The following COL26A1 variants were observed in gnomAD, a reference collection of about 807,000 sequenced individuals.
COL26A1 encodes the protein collagen alpha-1(XXVI) chain.
A neutral mutation model predicts 59.3 loss-of-function variants in COL26A1; 41 were observed. That is an observed-to-expected ratio of 0.69 (90% confidence interval 0.54 to 0.90). The LOEUF is 0.90. Among genes scored for constraint, COL26A1 ranks in the 40% least tolerant of loss-of-function variants. The probability of loss-of-function intolerance (pLI) is 0.00; values close to 1 mark genes in which losing one functional copy is unlikely to be tolerated. For synonymous variants in COL26A1, 266 were observed against 256.0 expected (o/e 1.04, Z -0.37); for missense variants, 612 against 602.3 (o/e 1.02, Z -0.17).
intron 2 of COL26A1, among the ~76,000 whole-genome samples, chr7:101,439,759 A>C (rs538496420): frequency 2.0e-5 from 3 of 152,102 alleles, no homozygotes; most frequent in Admixed American, 6.6e-5. Context: ...CAGGCATCAG[A>C]GGCCAATCTT....
chr7:101,377,918 A>G (rs1791356725), intron 1 of COL26A1, among the ~76,000 whole-genome samples: 1 of 152,128 alleles, frequency 6.6e-6, no homozygotes, highest in Admixed American at 6.5e-5. Flanking sequence ...ATTTTTTTAC[A>G]TTTTAGAGAC....
At chr7:101,547,527 G>A (rs1184703454) in intron 8 of COL26A1, among the ~76,000 whole-genome samples, 1 of 152,240 alleles carries the variant, frequency 6.6e-6, no homozygotes, top group Non-Finnish European at 1.5e-5. Flanking sequence ...ACACCAGTGG[G>A]GGATGGGGTC....
At chr7:101,454,040 C>T (rs921149683) in intron 3 of COL26A1, among the ~76,000 whole-genome samples, 5 of 152,114 alleles carry the variant, frequency 3.3e-5, no homozygotes, top group African/African-American at 1.2e-4. Context: ...TTGCACATTT[C>T]GTGTTTGTGA....
At chr7:101,411,713 C>A (rs1033469359) in intron 1 of COL26A1, among the ~76,000 whole-genome samples, 9 of 152,036 alleles carry the variant, frequency 5.9e-5, no homozygotes, top group South Asian at 2.1e-4. Flanking sequence ...TGTGTGACCA[C>A]TGTCTAGGCA....
intron 4 of COL26A1, among the ~76,000 whole-genome samples, chr7:101,538,364 T>C (rs1209313043): frequency 4.6e-5 from 7 of 152,202 alleles, no homozygotes; most frequent in Non-Finnish European, 2.9e-5. Flanking sequence ...GAGACAGAAC[T>C]GTTGGGAGGA....
At chr7:101,476,352 T>G (rs1794046257) in intron 3 of COL26A1, among the ~76,000 whole-genome samples, 1 of 152,168 alleles carries the variant, frequency 6.6e-6, no homozygotes, top group African/African-American at 2.4e-5. Flanking sequence ...AAAGACAAAA[T>G]CATAACAAAT....
intron 1 of COL26A1, among the ~76,000 whole-genome samples, chr7:101,411,355 G>A (rs1014001915): frequency 2.6e-5 from 4 of 152,066 alleles, no homozygotes; most frequent in African/African-American, 7.2e-5. Context: ...GGGAAGGCTC[G>A]CGGGAGGGAC....
chr7:101,491,799 C>T (rs568486040), intron 3 of COL26A1, among the ~76,000 whole-genome samples: 1 of 152,168 alleles, frequency 6.6e-6, no homozygotes, highest in African/African-American at 2.4e-5. Context: ...GTTTTTATGA[C>T]CTGTATCTTG....
At chr7:101,548,828 G>A (rs924149684) in intron 8 of COL26A1, among the ~76,000 whole-genome samples, 1 of 152,106 alleles carries the variant, frequency 6.6e-6, no homozygotes, top group Non-Finnish European at 1.5e-5. Flanking sequence ...GTCCCGAGGC[G>A]GGAAAGACCG....
intron 1 of COL26A1, among the ~76,000 whole-genome samples, chr7:101,415,148 A>G (rs996828694): frequency 7.0e-6 from 1 of 142,466 alleles, no homozygotes; most frequent in Non-Finnish European, 1.5e-5. Context: ...CCTGATCATA[A>G]CCCCCCCCCT....
chr7:101,450,586 C>A lies in COL26A1; in HGVS notation c.385+2799C>A, dbSNP rs78987675. On this transcript the variant is annotated intron_variant, in intron 3 of 12. Coordinates refer to ENST00000313669, the MANE Select transcript of COL26A1 (RefSeq NM_001278563.3). ...CCACGAGCCAAGTGCAAAGGCCAGA[C>A]CTCCTTTAGGGTAAGATTAATTCTT... 7.6e-3 allele frequency among the ~76,000 whole-genome samples: 1,149 copies of A among 151,690 alleles called. 7 individuals carry two copies. Among genetic ancestry groups the A allele is most frequent in the Non-Finnish European group, 0.012 (822 of 67,956 alleles).
At chr7:101,445,839 G>A (rs1034076467) in intron 2 of COL26A1, among the ~76,000 whole-genome samples, 17 of 151,462 alleles carry the variant, frequency 1.1e-4, no homozygotes, top group Middle Eastern at 3.5e-3. Context: ...CACGAGGTCA[G>A]GAGATCAAGA....
At chr7:101,387,768 A>ATTTTT (rs1194001209) in intron 1 of COL26A1, among the ~76,000 whole-genome samples, 9 of 36,464 alleles carry the variant, frequency 2.5e-4, no homozygotes, top group African/African-American at 3.7e-4. Flanking sequence ...ATATATATAT[A>ATTTTT]TATATATATA....
At chr7:101,521,103 G>A (rs534191623) in intron 3 of COL26A1, among the ~76,000 whole-genome samples, 12 of 152,190 alleles carry the variant, frequency 7.9e-5, no homozygotes, top group Non-Finnish European at 2.9e-5. Context: ...GAAGCAAGGC[G>A]TGTCTTCACA....
At chr7:101,522,079 G>T (rs371222261) in intron 3 of COL26A1, among the ~76,000 whole-genome samples, 1 of 152,128 alleles carries the variant, frequency 6.6e-6, no homozygotes, top group South Asian at 2.1e-4. Context: ...GAACGTTCTT[G>T]TGCATGCCTT....
chr7:101,476,274 A>G (rs926248798), intron 3 of COL26A1, among the ~76,000 whole-genome samples: 8 of 152,028 alleles, frequency 5.3e-5, no homozygotes, highest in African/African-American at 1.9e-4. Context: ...CTGGGATTAT[A>G]GGTGTGAGCC....
At chr7:101,423,672 T>A (rs62463410) in intron 2 of COL26A1, among the ~76,000 whole-genome samples, 1 of 151,374 alleles carries the variant, frequency 6.6e-6, no homozygotes, top group African/African-American at 2.4e-5. Context: ...CAGGCGGAGG[T>A]TGCAGTGAGC....
chr7:101,530,860 C>A (rs1201480371), intron 3 of COL26A1, among the ~76,000 whole-genome samples: 1 of 152,180 alleles, frequency 6.6e-6, no homozygotes, highest in African/African-American at 2.4e-5. Context: ...GCTGCATGCA[C>A]CTTGCAAAAT....
chr7:101,469,379 C>T (rs1442647342), intron 3 of COL26A1, among the ~76,000 whole-genome samples: 3 of 152,162 alleles, frequency 2.0e-5, no homozygotes, highest in African/African-American at 7.2e-5. Context: ...TTAGAGCAGA[C>T]CCCAGAGTTT....
Sources: allele counts gnomAD v4.1 joint callset (sites outside exome capture counted in the v4.1 genomes callset), GRCh38; gene constraint gnomAD v4.1.1; transcripts MANE v1.5; gene names NCBI Gene and HGNC (gene_info 2026-07-23, HGNC 2026-07-21).